Variants in ATP9B observed in about 807,000 individuals in gnomAD.
The protein encoded by ATP9B is probable phospholipid-transporting ATPase IIB.
ATP9B carries 110 observed loss-of-function variants against 146.1 expected under a neutral mutation model. That is an observed-to-expected ratio of 0.75 (90% CI 0.65 to 0.88). The LOEUF (loss-of-function observed/expected upper bound fraction) is 0.88, where lower values mean the gene tolerates loss of function less well. Ranked by LOEUF, ATP9B falls within the 40% of genes least tolerant of loss-of-function variation. ATP9B has a pLI of 0.00. For missense variants in ATP9B, 1,499 were observed against 1,496.4 expected (o/e 1.00, Z -0.03); for synonymous variants, 604 against 569.7 (o/e 1.06, Z -0.86).
At chr18:79,159,050 T>C (rs1486752168) in intron 7 of ATP9B, among the ~76,000 whole-genome samples, 2 of 152,222 alleles carry the variant, frequency 1.3e-5, no homozygotes, top group Non-Finnish European at 2.9e-5. Flanking sequence ...CTTTTATCAT[T>C]ATAAACTGTC....
chr18:79,108,433 A>G (rs1174962166), intron 2 of ATP9B, among the ~76,000 whole-genome samples: 2 of 152,184 alleles, frequency 1.3e-5, no homozygotes, highest in Non-Finnish European at 2.9e-5. Context: ...ACAATCTTAA[A>G]TCACTTTAAT....
chr18:79,248,195 G>A (rs986563301), intron 11 of ATP9B, among the ~76,000 whole-genome samples: 17 of 152,160 alleles, frequency 1.1e-4, no homozygotes, highest in Non-Finnish European at 2.2e-4. Context: ...ATCCAAAAAA[G>A]AATAATAAAC....
In ATP9B at chr18:79,377,426, C is replaced by T. The variant is rs768582283; in HGVS notation, c.*43C>T. On this transcript the variant is annotated 3_prime_UTR_variant, in exon 30 of 30. Coordinates refer to ENST00000426216, the MANE Select transcript of ATP9B (RefSeq NM_198531.5). ...GCGGGCTGGCCCCAGCACCTTCTGC[C>T]CTTCCCAGCACCTTGTGCCCTTGCC... The T allele has an allele frequency of 4.4e-6, 7 of 1,596,930 alleles. No individual in the cohort carries two copies. Among genetic ancestry groups the T allele is most frequent in the Admixed American group, 1.7e-5 (1 of 59,498 alleles).
At chr18:79,369,102 A>G (rs1003236822) in intron 26 of ATP9B, among the ~76,000 whole-genome samples, 4 of 152,168 alleles carry the variant, frequency 2.6e-5, no homozygotes, top group African/African-American at 9.7e-5. Context: ...AAATAATTAC[A>G]ATTATGGGAA....
chr18:79,344,198 C>T (rs2096873699), intron 20 of ATP9B, 67 bp from the exon 21 acceptor site: 2 of 1,380,654 alleles, frequency 1.4e-6, no homozygotes, highest in African/African-American at 2.9e-5. Context: ...CAAATAATGC[C>T]CTGTTTCTCT....
chr18:79,176,762 A>C (rs745971944), intron 7 of ATP9B, 51 bp from the exon 8 acceptor site: 5 of 1,509,944 alleles, frequency 3.3e-6, no homozygotes, highest in Middle Eastern at 1.7e-4. Context: ...GCTCAGGAAA[A>C]ACCTTCTGTA....
chr18:79,372,603 A>G (rs2097078508), intron 26 of ATP9B: 4 of 661,452 alleles, frequency 6.0e-6, no homozygotes, highest in Non-Finnish European at 1.1e-5. Context: ...ATGAACGTCT[A>G]ACCTCAGGCA....
At chr18:79,155,831 C>T (rs1463564408) in intron 7 of ATP9B, among the ~76,000 whole-genome samples, 2 of 142,958 alleles carry the variant, frequency 1.4e-5, no homozygotes. Context: ...GGTGCGATCT[C>T]CGCTCACTGC....
At chr18:79,208,406 C>G (rs566282206) in intron 10 of ATP9B, among the ~76,000 whole-genome samples, 2 of 152,280 alleles carry the variant, frequency 1.3e-5, no homozygotes, top group Non-Finnish European at 1.5e-5. Flanking sequence ...TACTGAGAGA[C>G]AGTACCTTGA....
intron 9 of ATP9B, among the ~76,000 whole-genome samples, chr18:79,197,936 A>C (rs1284310301): frequency 6.6e-6 from 1 of 152,258 alleles, no homozygotes; most frequent in Admixed American, 6.5e-5. Context: ...CATGTAGTTT[A>C]TTAAGACTAT....
At chr18:79,318,229 C>T (rs2096693116) in intron 15 of ATP9B, among the ~76,000 whole-genome samples, 1 of 152,196 alleles carries the variant, frequency 6.6e-6, no homozygotes, top group Non-Finnish European at 1.5e-5. Flanking sequence ...ATGACTTCGT[C>T]CCAAAGAGCA....
At chr18:79,283,525 C>G (rs1301538439) in intron 13 of ATP9B, among the ~76,000 whole-genome samples, 5 of 152,200 alleles carry the variant, frequency 3.3e-5, no homozygotes. Context: ...AATGAAGTAT[C>G]CCAATAATTG....
intron 7 of ATP9B, among the ~76,000 whole-genome samples, chr18:79,176,004 C>T (rs2095163017): frequency 6.6e-6 from 1 of 152,178 alleles, no homozygotes; most frequent in Non-Finnish European, 1.5e-5. Context: ...TGTCCTGCAC[C>T]TTACTTTCTT....
chr18:79,116,939 T>TTAAAAAAAAAAAAAAAAAAAA (rs2094091585), intron 4 of ATP9B, among the ~76,000 whole-genome samples: 3 of 77,976 alleles, frequency 3.8e-5, no homozygotes, highest in Non-Finnish European at 7.7e-5. Context: ...AAAAAAAAAA[T>TTAAAAAAAAAAAAAAAAAAAA]TAAAAAAAAA....
At chr18:79,088,199 G>C (rs1297200391) in intron 1 of ATP9B, among the ~76,000 whole-genome samples, 2 of 152,164 alleles carry the variant, frequency 1.3e-5, no homozygotes, top group East Asian at 1.9e-4. Context: ...TTCAGAACTC[G>C]TTGTGCTGCG....
intron 1 of ATP9B, among the ~76,000 whole-genome samples, chr18:79,071,558 AT>A (rs1285420683): frequency 2.0e-5 from 3 of 151,682 alleles, no homozygotes; most frequent in African/African-American, 4.8e-5. Flanking sequence ...ATTAAAAAAA[AT>A]TTTTTTTGAA....
At chr18:79,181,841 C>T (rs530605327) in intron 8 of ATP9B, among the ~76,000 whole-genome samples, 28 of 152,178 alleles carry the variant, frequency 1.8e-4, no homozygotes, top group African/African-American at 5.5e-4. Context: ...GTTTGTAATG[C>T]TTAATTCCAT....
chr18:79,091,956 T>C (rs763014865), intron 1 of ATP9B, among the ~76,000 whole-genome samples: 2 of 152,362 alleles, frequency 1.3e-5, no homozygotes, highest in African/African-American at 2.4e-5. Context: ...TTTAGGACTT[T>C]TAGATCTTAG....
intron 8 of ATP9B, among the ~76,000 whole-genome samples, chr18:79,187,957 C>T (rs1343034702): frequency 6.6e-6 from 1 of 152,044 alleles, no homozygotes; most frequent in South Asian, 2.1e-4. Context: ...AGTGATTGAG[C>T]ATGACTTACA....
Sources: gnomAD v4.1 joint callset for allele counts (sites outside exome capture counted in the v4.1 genomes callset) on GRCh38, gnomAD v4.1.1 for gene constraint, MANE v1.5 for transcripts, NCBI Gene and HGNC (gene_info 2026-07-23, HGNC 2026-07-21) for gene names.